EDRF1: variants seen among roughly 807,000 people sequenced by gnomAD.
The protein encoded by EDRF1 is erythroid differentiation regulatory factor 1.
EDRF1 carries 69 observed loss-of-function variants against 148.7 expected under a neutral mutation model. The ratio of observed to expected loss-of-function variants is 0.46; its 90% CI spans 0.38 to 0.57. The LOEUF is 0.57. EDRF1 is among the 20% of genes least tolerant of loss of function. The probability of loss-of-function intolerance (pLI) is 0.00; values close to 1 mark genes in which losing one functional copy is unlikely to be tolerated. For missense variants in EDRF1, 1,118 were observed against 1,478.7 expected (o/e 0.76, Z 4.00); for synonymous variants, 515 against 532.8 (o/e 0.97, Z 0.46).
intron 5 of EDRF1, 61 bp downstream of exon 5, chr10:125,725,503 T>G (rs959223588): frequency 1.9e-6 from 3 of 1,600,186 alleles, no homozygotes; most frequent in Admixed American, 1.7e-5. Flanking sequence ...AAATTTAGTG[T>G]GAAGCTTAAT....
At position 125,763,496 on chromosome 10, in the gene EDRF1, A is replaced by G. The variant is rs1850279947; in HGVS notation, c.*24A>G. The G allele has an allele frequency of 5.0e-6, 8 of 1,601,868 alleles. No individual in the cohort carries two copies. In the East Asian group the frequency reaches 1.8e-4, roughly 36 times the overall value. On this transcript the variant is annotated 3_prime_UTR_variant, in exon 25 of 25. Coordinates refer to ENST00000356792, the MANE Select transcript of EDRF1 (RefSeq NM_001202438.2). The surrounding 1 kb of genome is among the most constrained non-coding windows in gnomAD (Gnocchi z 4.3). ...GACTGCACAGAGCCGTGTCCCAGAC[A>G]CGCTGTCAGTGCCTTCAACACGGAG... is the stretch of plus-strand genomic sequence containing the variant.
intron 2 of EDRF1, 28 bp downstream of exon 2, chr10:125,721,440 C>G (rs375206794): frequency 2.3e-5 from 37 of 1,598,320 alleles, no homozygotes; most frequent in Non-Finnish European, 3.0e-5. Context: ...GCATTTTTAC[C>G]TGCCCCTCCA....
rs1850260266 is a variant in EDRF1 at position 125,763,084 on chromosome 10, T to C, written c.3546-217T>C. 6.6e-6 allele frequency among the ~76,000 whole-genome samples: 1 copy of C among 152,156 alleles called. No individual in the cohort carries two copies. Among genetic ancestry groups the C allele is most frequent in the African/African-American group, 2.4e-5 (1 of 41,412 alleles). ...GGCATTCAAATATTTATAAAAGGAA[T>C]GAGTACTGGATTTCATTGATGTATT... On this transcript the variant is annotated intron_variant, in intron 24 of 24. Transcript: ENST00000356792. The surrounding 1 kb of genome is among the most constrained non-coding windows in gnomAD (Gnocchi z 4.3).
Position 125,738,203 on chromosome 10 carries a change from A to C in EDRF1, c.1831-92A>C, listed in dbSNP as rs1848832850. On this transcript the variant is annotated intron_variant, in intron 14 of 24. Coordinates refer to ENST00000356792, the MANE Select transcript of EDRF1 (RefSeq NM_001202438.2). The stretch of plus-strand genomic sequence containing the variant: ...CTGTTTGTGAGATGGAAATTTTCCT[A>C]AACGTATTCAGTAGTCCAGATACTG... 3 of 1,520,608 alleles carry C rather than the reference A, an allele frequency of 2.0e-6. No individual in the cohort carries two copies. In the East Asian group the frequency reaches 6.8e-5, roughly 34 times the overall value. The allele number at this position is 1,520,608 out of a possible 1,614,324, so 94.2% of individuals were successfully genotyped here. A position where few individuals can be genotyped will look rare whatever the true frequency, so the allele number is the denominator to read the frequency against.
At chr10:125,720,729 TA>T (rs1349853015) in intron 1 of EDRF1, among the ~76,000 whole-genome samples, 2 of 148,662 alleles carry the variant, frequency 1.3e-5, no homozygotes, top group African/African-American at 5.0e-5. Context: ...GAGAATGGCG[TA>T]AACCCCAGAA....
At position 125,738,518 on chromosome 10, in the gene EDRF1, T is replaced by G; in HGVS notation, c.1981+73T>G. ...TGGTTCTTTATCAACAGCAGACTTATGTCAATTAAGGCATTAATTGAAAGG... is the reference window on the plus strand; with the variant it reads ...TGGTTCTTTATCAACAGCAGACTTAGGTCAATTAAGGCATTAATTGAAAGG... On this transcript the variant is annotated intron_variant, in intron 15 of 24. Coordinates refer to ENST00000356792, the MANE Select transcript of EDRF1 (RefSeq NM_001202438.2). The G allele has an allele frequency of 1.9e-6, 3 of 1,575,028 alleles. No individual in the cohort carries two copies. In the South Asian group the frequency reaches 3.3e-5, roughly 18 times the overall value.
chr10:125,757,953 C>G (rs1200762270), intron 24 of EDRF1, among the ~76,000 whole-genome samples: 1 of 152,236 alleles, frequency 6.6e-6, no homozygotes, highest in Non-Finnish European at 1.5e-5. Context: ...CTCTCCTCCT[C>G]TGTAGCCCGT....
intron 22 of EDRF1, among the ~76,000 whole-genome samples, chr10:125,750,004 G>T (rs1156637869): frequency 6.6e-6 from 1 of 152,108 alleles, no homozygotes; most frequent in African/African-American, 2.4e-5. Flanking sequence ...GGCCATGTGT[G>T]GTGGTGCAGG....
At chr10:125,728,154 A>G (rs965855721) in intron 6 of EDRF1, among the ~76,000 whole-genome samples, 1 of 150,622 alleles carries the variant, frequency 6.6e-6, no homozygotes, top group Admixed American at 6.6e-5. Context: ...GTGAGCTGAG[A>G]TCATGTCACT....
chr10:125,749,575 A>C lies in EDRF1; in HGVS notation c.3277+10A>C. Reference sequence around the variant, plus strand: ...GAATTTCAGATGACCAGTAAGTCTTAATTTTCATTTCTCAGATATGTATGC... The same window carrying C: ...GAATTTCAGATGACCAGTAAGTCTTCATTTTCATTTCTCAGATATGTATGC... On this transcript the variant is annotated intron_variant, in intron 22 of 24. Coordinates refer to ENST00000356792, the MANE Select transcript of EDRF1 (RefSeq NM_001202438.2). The C allele has an allele frequency of 6.2e-7, 1 of 1,613,722 alleles. No homozygotes were observed. Among genetic ancestry groups the C allele is most frequent in the Non-Finnish European group, 8.5e-7 (1 of 1,179,996 alleles).
In EDRF1 at chr10:125,763,233, C is replaced by G; in HGVS notation, c.3546-68C>G. ...TGTTGGGCTGTCACTGTCCGGTTTTCTGGACCTCTGAATTGTCGGTAGGCA... is the reference window on the plus strand; with the variant it reads ...TGTTGGGCTGTCACTGTCCGGTTTTGTGGACCTCTGAATTGTCGGTAGGCA... On this transcript the variant is annotated intron_variant, in intron 24 of 24. Transcript: ENST00000356792. The surrounding 1 kb of genome is among the most constrained non-coding windows in gnomAD (Gnocchi z 4.3). The G allele has an allele frequency of 6.7e-7, 1 of 1,501,320 alleles. No homozygotes were observed. Among genetic ancestry groups the G allele is most frequent in the Non-Finnish European group, 9.2e-7 (1 of 1,089,302 alleles). The allele number at this position is 1,501,320 out of a possible 1,614,324, so 93.0% of individuals were successfully genotyped here. A position where few individuals can be genotyped will look rare whatever the true frequency, so the allele number is the denominator to read the frequency against.
At chr10:125,744,370 G>A (rs1234879718) in intron 18 of EDRF1, among the ~76,000 whole-genome samples, 1 of 152,094 alleles carries the variant, frequency 6.6e-6, no homozygotes, top group African/African-American at 2.4e-5. Flanking sequence ...TTTTTTTAGA[G>A]ATGAAGTCTT....
At position 125,763,168 on chromosome 10, in the gene EDRF1, C is replaced by T; in HGVS notation, c.3546-133C>T. ...TATGTAAAAGAAGGCAGGTCTGAAC[C>T]CGGCAGGAGAGGAATGCCTGCTGCT... On this transcript the variant is annotated intron_variant, in intron 24 of 24. Transcript: ENST00000356792. This position sits in a 1 kb window ranked among gnomAD's most constrained non-coding sequence, Gnocchi z 4.3. The T allele has an allele frequency of 1.2e-6, 1 of 868,896 alleles. No individual in the cohort carries two copies. Among genetic ancestry groups the T allele is most frequent in the Admixed American group, 1.9e-5 (1 of 52,536 alleles). The allele number at this position is 868,896 out of a possible 1,614,324, so 53.8% of individuals were successfully genotyped here. A position where few individuals can be genotyped will look rare whatever the true frequency, so the allele number is the denominator to read the frequency against.
intron 18 of EDRF1, among the ~76,000 whole-genome samples, chr10:125,744,219 CTT>C (rs779660582): frequency 3.5e-4 from 48 of 135,216 alleles, no homozygotes; most frequent in Admixed American, 7.4e-4. Context: ...TTGGTTGTTT[CTT>C]TTTTTTTTTT....
intron 11 of EDRF1, 84 bp downstream of exon 11, chr10:125,733,827 C>G: frequency 8.0e-7 from 1 of 1,247,518 alleles, no homozygotes; most frequent in Non-Finnish European, 1.2e-6. Context: ...CAAACCAAGG[C>G]TTTTAAATGC....
chr10:125,752,511 C>A (rs1343890137), intron 22 of EDRF1, among the ~76,000 whole-genome samples: 2 of 152,252 alleles, frequency 1.3e-5, no homozygotes, highest in Admixed American at 6.5e-5. Context: ...GAGCCCCAGA[C>A]TCTTTTCTGC....
chr10:125,738,837 TAATG>T (rs1337849094), intron 15 of EDRF1, among the ~76,000 whole-genome samples: 1 of 152,198 alleles, frequency 6.6e-6, no homozygotes, highest in Non-Finnish European at 1.5e-5. Flanking sequence ...GAGACGATAA[TAATG>T]GTTTCTTTAA....
chr10:125,739,927 AT>A, intron 15 of EDRF1, among the ~76,000 whole-genome samples: 1 of 152,350 alleles, frequency 6.6e-6, no homozygotes, highest in African/African-American at 2.4e-5. Flanking sequence ...TGGACTTTAA[AT>A]AAAGAGTATT....
chr10:125,763,215 C>A lies in EDRF1; in HGVS notation c.3546-86C>A. 1 of 1,322,104 alleles carries A rather than the reference C, an allele frequency of 7.6e-7. No homozygotes were observed. Among genetic ancestry groups the A allele is most frequent in the Non-Finnish European group, 1.1e-6 (1 of 927,850 alleles). The allele number at this position is 1,322,104 out of a possible 1,614,324, so 81.9% of individuals were successfully genotyped here. On this transcript the variant is annotated intron_variant, in intron 24 of 24. Transcript: ENST00000356792. This position sits in a 1 kb window ranked among gnomAD's most constrained non-coding sequence, Gnocchi z 4.3. ...TGCTCTGTGAAGAGTGACTGTTGGG[C>A]TGTCACTGTCCGGTTTTCTGGACCT...
Sources: allele counts gnomAD v4.1 joint callset (sites outside exome capture counted in the v4.1 genomes callset), GRCh38; gene constraint gnomAD v4.1.1; non-coding constraint Gnocchi (gnomAD v3.1); transcripts MANE v1.5; gene names NCBI Gene and HGNC (gene_info 2026-07-23, HGNC 2026-07-21).